LAMB3: variants seen among roughly 807,000 people sequenced by gnomAD.
The protein encoded by LAMB3 is laminin subunit beta 3.
LAMB3 carries 104 observed loss-of-function variants against 140.3 expected under a neutral mutation model. That is an observed-to-expected ratio of 0.74 (90% CI 0.63 to 0.87). LAMB3 has a LOEUF of 0.87. Among genes scored for constraint, LAMB3 ranks in the 40% least tolerant of loss-of-function variants. The pLI is 0.00. For missense variants in LAMB3, 1,531 were observed against 1,575.2 expected (o/e 0.97, Z 0.47); for synonymous variants, 592 against 602.9 (o/e 0.98, Z 0.26).
At chr1:209,650,792 T>TA (rs1450681340) in intron 2 of LAMB3, 125 bp downstream of exon 2, 1 of 908,032 alleles carries the variant, frequency 1.1e-6, no homozygotes, top group African/African-American at 1.6e-5. Flanking sequence ...AGTAGACAAG[T>TA]ATTCCCAACT....
At position 209,629,882 on chromosome 1, in the gene LAMB3, G is replaced by T; in HGVS notation, c.987C>A (p.Pro329=). ...CCCCCTGGCTGGCGGCAAACACAGC[G>T]GGGTCAAAGTGACATGTCTCTGAGT... The part of the protein sequence containing the change: ...NGHSETCHFD[P]AVFAASQGAY... Residue 329 remains proline (P), a synonymous_variant, in exon 10 of 23, where the codon CCC becomes CCA. Transcript: ENST00000356082. 2 of 1,614,136 alleles carry T rather than the reference G, an allele frequency of 1.2e-6. No individual in the cohort carries two copies. Among genetic ancestry groups the T allele is most frequent in the Non-Finnish European group, 1.7e-6 (2 of 1,180,022 alleles).
At position 209,617,447 on chromosome 1, in the gene LAMB3, G is replaced by A. The variant is rs368115484; in HGVS notation, c.3191C>T (p.Ala1064Val). ...CAATGCCTGCTCGCTGGCACCTTCC[G>A]CAAGCTGCTGGGCCTGGACTGCCTC... ...GAEAVQAQQLAEGASEQALSA... is the reference protein window; with the variant it reads ...GAEAVQAQQLVEGASEQALSA... The change falls in exon 21 of 23, where the codon GCG becomes GTG. Residue 1064 changes from alanine (A) to valine (V), a missense_variant. By Grantham distance (64) the Ala-to-Val change is moderately conservative. Transcript: ENST00000356082. The A allele has an allele frequency of 1.0e-4, 163 of 1,613,064 alleles. No individual in the cohort carries two copies. The highest frequency in any genetic ancestry group is 1.9e-4 in the Middle Eastern group (1 of 5,306).
At chr1:209,630,852 C>T (rs1666662477) in intron 8 of LAMB3, 117 bp from the exon 9 acceptor site, 1 of 1,200,198 alleles carries the variant, frequency 8.3e-7, no homozygotes, top group African/African-American at 1.5e-5. Context: ...TAGATCCCAA[C>T]CCTTCCAGGA....
chr1:209,632,515 C>T, intron 8 of LAMB3, 68 bp downstream of exon 8: 1 of 1,269,068 alleles, frequency 7.9e-7, no homozygotes, highest in Non-Finnish European at 1.1e-6. Flanking sequence ...TTACAGGAGC[C>T]CCAAGAATGT....
At position 209,623,088 on chromosome 1, in the gene LAMB3, C is replaced by T. The variant is rs747157392; in HGVS notation, c.2450G>A (p.Arg817His). ...GGCCCTGGGAAGGACACCCCTGCAG[C>T]GGGAGCCACAGGCTGTGCCATTGTC... ...PQDNGTACGS[R>H]CRGVLPRAGG... The change falls in exon 17 of 23, where the codon CGC becomes CAC. Residue 817 changes from arginine to histidine, a missense_variant. Transcript: ENST00000356082. This position sits in a 1 kb window ranked among gnomAD's most constrained non-coding sequence, Gnocchi z 4.2. 1.1e-5 allele frequency: 18 copies of T among 1,614,084 alleles called. No individual in the cohort carries two copies. The highest frequency in any genetic ancestry group is 6.7e-5 in the African/African-American group (5 of 74,942).
intron 3 of LAMB3, among the ~76,000 whole-genome samples, chr1:209,647,678 C>T (rs150275688): frequency 3.3e-5 from 5 of 152,204 alleles, no homozygotes; most frequent in East Asian, 3.9e-4. Flanking sequence ...GCATTGCATT[C>T]GGCCAGCCTC....
chr1:209,619,547 A>G (rs969760625), intron 18 of LAMB3, among the ~76,000 whole-genome samples: 9 of 152,244 alleles, frequency 5.9e-5, no homozygotes, highest in Non-Finnish European at 2.9e-5. Context: ...TCAATCCCCA[A>G]TCTGAAGGTA....
intron 1 of LAMB3, 33 bp from the exon 2 acceptor site, chr1:209,651,014 G>A (rs1403702607): frequency 1.4e-6 from 2 of 1,389,968 alleles, no homozygotes; most frequent in Non-Finnish European, 2.1e-6. Flanking sequence ...GGGTACAACA[G>A]TGCAAACCCC....
chr1:209,644,447 T>TAG (rs990319571), intron 3 of LAMB3, among the ~76,000 whole-genome samples: 8 of 152,174 alleles, frequency 5.3e-5, no homozygotes, highest in African/African-American at 1.9e-4. Flanking sequence ...ATCTCTGAGG[T>TAG]AGCTATACTA....
Position 209,623,774 on chromosome 1 carries a change from GA to G in LAMB3, c.2138-50del, listed in dbSNP as rs1216318167. On this transcript the variant is annotated intron_variant, in intron 15 of 22. Coordinates refer to ENST00000356082, the MANE Select transcript of LAMB3 (RefSeq NM_000228.3). The surrounding 1 kb of genome is among the most constrained non-coding windows in gnomAD (Gnocchi z 4.2). ...GGAGATGGAGGAGGAGCAGGAGGGA[GA>G]GGGGGTGGCATGCCCACCACGGCAG... is the stretch of plus-strand genomic sequence containing the variant. 1 of 1,613,450 alleles carries G rather than the reference GA, an allele frequency of 6.2e-7. No homozygotes were observed. Among genetic ancestry groups the G allele is most frequent in the Non-Finnish European group, 8.5e-7 (1 of 1,179,616 alleles).
intron 18 of LAMB3, among the ~76,000 whole-genome samples, chr1:209,621,931 C>T (rs1025625874): frequency 6.6e-6 from 1 of 152,204 alleles, no homozygotes; most frequent in Non-Finnish European, 1.5e-5. Context: ...AGTGGAGTGA[C>T]AATCCACTTG....
chr1:209,643,108 G>A (rs758401359), intron 3 of LAMB3, among the ~76,000 whole-genome samples: 24 of 152,236 alleles, frequency 1.6e-4, no homozygotes, highest in African/African-American at 5.3e-4. Context: ...GCCTGTCAAC[G>A]AGCTAGCAGG....
At chr1:209,627,342 C>T in intron 12 of LAMB3, 41 bp downstream of exon 12, 4 of 1,552,650 alleles carry the variant, frequency 2.6e-6, no homozygotes, top group Non-Finnish European at 3.5e-6. Flanking sequence ...TCAGGACCCC[C>T]CTCCCACTGA....
At chr1:209,642,473 T>TGTG (rs2076477460) in intron 3 of LAMB3, among the ~76,000 whole-genome samples, 3 of 104,812 alleles carry the variant, frequency 2.9e-5, no homozygotes. Flanking sequence ...GCTTTTTTGT[T>TGTG]TGTTTGTTTG....
intron 3 of LAMB3, among the ~76,000 whole-genome samples, chr1:209,647,490 G>A (rs6689421): frequency 0.027 from 4,077 of 152,246 alleles, 166 homozygotes; most frequent in African/African-American, 0.094. Context: ...ACATCAGTAG[G>A]ATGTGGCACA....
In LAMB3 at chr1:209,637,530, A is replaced by G. The variant is rs145265845; in HGVS notation, c.372+378T>C. ...AAAGGAATATCCATCAGTTAGTTGGATAGGCAAGTTCTTGGCTGCTTGTTA... is the reference window on the plus strand; with the variant it reads ...AAAGGAATATCCATCAGTTAGTTGGGTAGGCAAGTTCTTGGCTGCTTGTTA... On this transcript the variant is annotated intron_variant, in intron 5 of 22. Coordinates refer to ENST00000356082, the MANE Select transcript of LAMB3 (RefSeq NM_000228.3). Among the ~76,000 whole-genome samples the G allele has an allele frequency of 1.6e-3, 237 of 152,260 alleles. 1 individual carries two copies. The highest frequency in any genetic ancestry group is 5.4e-3 in the African/African-American group (225 of 41,542).
At chr1:209,625,507 G>A in intron 14 of LAMB3, 141 bp downstream of exon 14, 1 of 1,124,306 alleles carries the variant, frequency 8.9e-7, no homozygotes, top group Admixed American at 1.7e-5. Flanking sequence ...CAGGACTGTT[G>A]TAATGGTTGA....
intron 11 of LAMB3, 96 bp downstream of exon 11, chr1:209,627,939 T>G (rs1427887069): frequency 6.8e-7 from 1 of 1,464,806 alleles, no homozygotes; most frequent in African/African-American, 1.4e-5. Context: ...GCAGTGGGAT[T>G]TCCTCTGAAG....
At chr1:209,619,664 C>G (rs933340506) in intron 18 of LAMB3, among the ~76,000 whole-genome samples, 4 of 152,182 alleles carry the variant, frequency 2.6e-5, no homozygotes, top group African/African-American at 9.6e-5. Context: ...TCCCAATTTG[C>G]TTTTACAGAT....
Sources: gnomAD v4.1 joint callset for allele counts (sites outside exome capture counted in the v4.1 genomes callset) on GRCh38, gnomAD v4.1.1 for gene constraint, Gnocchi (gnomAD v3.1) non-coding constraint, MANE v1.5 for transcripts, NCBI Gene and HGNC (gene_info 2026-07-23, HGNC 2026-07-21) for gene names.